Variants in FRMD3 observed in about 807,000 individuals in gnomAD.
FRMD3 encodes the protein FERM domain containing 3.
In FRMD3, 33 loss-of-function variants were observed where a neutral mutation model predicts 70.2. That is an observed-to-expected ratio of 0.47 (90% CI 0.36 to 0.63). The LOEUF is 0.63. FRMD3 is among the 20% of genes least tolerant of loss of function. The pLI, the probability that FRMD3 is intolerant of heterozygous loss-of-function variation, is 0.00. For synonymous variants in FRMD3, 279 were observed against 255.9 expected (o/e 1.09, Z -0.86); for missense variants, 632 against 711.4 (o/e 0.89, Z 1.27).
Position 83,537,332 on chromosome 9 carries a change from C to T in FRMD3, c.147+753G>A, listed in dbSNP as rs1829917712. On this transcript the variant is annotated intron_variant, in intron 1 of 13. Coordinates refer to ENST00000304195, the MANE Select transcript of FRMD3 (RefSeq NM_174938.6). This position sits in a 1 kb window ranked among gnomAD's most constrained non-coding sequence, Gnocchi z 4.1. ...CGACAGTGAATGTCCACCAAGATTC[C>T]ACGGGGCTCTTTTACCCAGGACCCA... 6.6e-6 allele frequency among the ~76,000 whole-genome samples: 1 copy of T among 152,236 alleles called. No individual in the cohort carries two copies. Among genetic ancestry groups the T allele is most frequent in the Non-Finnish European group, 1.5e-5 (1 of 68,036 alleles).
chr9:83,510,933 GACTGTGTT>G (rs1272859958), intron 1 of FRMD3, among the ~76,000 whole-genome samples: 1 of 152,172 alleles, frequency 6.6e-6, no homozygotes, highest in Non-Finnish European at 1.5e-5. Flanking sequence ...TCCTAAAATT[GACTGTGTT>G]GATGGATACA....
At chr9:83,297,839 TGCACTTCTGCTCCCCGGTGTG>T (rs1464285582) in intron 12 of FRMD3, 3 of 471,692 alleles carry the variant, frequency 6.4e-6, no homozygotes, top group South Asian at 4.6e-5. Flanking sequence ...TCATGCCAAC[TGCACTTCTGCTCCCCGGTGTG>T]GGAGAGAAAT....
the FRMD3 span, among the ~76,000 whole-genome samples, chr9:83,553,634 C>A: frequency 6.6e-6 from 1 of 152,124 alleles, no homozygotes; most frequent in Non-Finnish European, 1.5e-5. Context: ...GATTCTTTCC[C>A]CAGCTTGGTT....
intron 3 of FRMD3, among the ~76,000 whole-genome samples, chr9:83,369,335 G>T (rs144123276): frequency 0.018 from 2,777 of 152,144 alleles, 96 homozygotes; most frequent in African/African-American, 0.063. Flanking sequence ...CAGTTCTTTG[G>T]GAGGCCAAAA....
intron 3 of FRMD3, among the ~76,000 whole-genome samples, chr9:83,370,621 T>C (rs7860322): frequency 5.9e-5 from 9 of 152,180 alleles, no homozygotes; most frequent in Non-Finnish European, 8.8e-5. Flanking sequence ...TAAGACATTA[T>C]GTGTTTTAGG....
Position 83,467,486 on chromosome 9 carries a change from C to A in FRMD3, c.147+70599G>T. The A allele has an allele frequency of 4.2e-6, 3 of 712,430 alleles. No individual in the cohort carries two copies. In the South Asian group the frequency reaches 4.8e-5, roughly 11 times the overall value. 44.1% of individuals were successfully genotyped at this position (712,430 alleles called of 1,614,324 possible). Reference sequence around the variant, plus strand: ...TCAGAAGCTCTACAAAAGAGACCCTCCCGAATTTCACATCCCCTTCTAATT... The same window carrying A: ...TCAGAAGCTCTACAAAAGAGACCCTACCGAATTTCACATCCCCTTCTAATT... On this transcript the variant is annotated intron_variant, in intron 1 of 13. Transcript: ENST00000304195.
intron 1 of FRMD3, among the ~76,000 whole-genome samples, chr9:83,445,446 G>T (rs796224272): frequency 2.0e-5 from 3 of 152,140 alleles, no homozygotes; most frequent in Non-Finnish European, 2.9e-5. Context: ...CAGAAGATAT[G>T]CTCCAAAGGG....
chr9:83,273,609 TAAAAAAA>T (rs899879607), intron 13 of FRMD3, among the ~76,000 whole-genome samples: 1 of 71,336 alleles, frequency 1.4e-5, no homozygotes, highest in Non-Finnish European at 2.8e-5. Flanking sequence ...CAATAAATAC[TAAAAAAA>T]AAAAAAAAAA....
intron 6 of FRMD3, among the ~76,000 whole-genome samples, chr9:83,327,529 C>T (rs1001277024): frequency 2.2e-4 from 34 of 152,166 alleles, no homozygotes; most frequent in African/African-American, 8.2e-4. Flanking sequence ...TGCCTCCTGC[C>T]GTCAGCAAGG....
the FRMD3 span, among the ~76,000 whole-genome samples, chr9:83,552,492 T>C: frequency 1.3e-5 from 2 of 152,200 alleles, no homozygotes; most frequent in African/African-American, 4.8e-5. Context: ...TCAGATCCAT[T>C]TGGTCCAATG....
intron 1 of FRMD3, among the ~76,000 whole-genome samples, chr9:83,530,543 G>A (rs1325895931): frequency 6.6e-6 from 1 of 152,088 alleles, no homozygotes; most frequent in Non-Finnish European, 1.5e-5. Flanking sequence ...TGGGGATGAT[G>A]AAAATATTCT....
At chr9:83,556,840 A>AT in the FRMD3 span, among the ~76,000 whole-genome samples, 1 of 152,046 alleles carries the variant, frequency 6.6e-6, no homozygotes, top group Admixed American at 6.5e-5. Flanking sequence ...ACTTTTTGAG[A>AT]TTTTTTCCTT....
chr9:83,557,863 C>T, the FRMD3 span, among the ~76,000 whole-genome samples: 1 of 152,112 alleles, frequency 6.6e-6, no homozygotes, highest in Non-Finnish European at 1.5e-5. Flanking sequence ...TATCTGAAAC[C>T]CTGAGATTCA....
chr9:83,507,711 T>TATATATATAG (rs1829227683), intron 1 of FRMD3, among the ~76,000 whole-genome samples: 3 of 100,954 alleles, frequency 3.0e-5, no homozygotes, highest in Non-Finnish European at 6.0e-5. Flanking sequence ...TATATATATA[T>TATATATATAG]ATATATATAT....
chr9:83,444,694 A>G (rs1250942336), intron 1 of FRMD3, among the ~76,000 whole-genome samples: 3 of 152,158 alleles, frequency 2.0e-5, no homozygotes, highest in African/African-American at 7.2e-5. Context: ...CCTGAAAAGC[A>G]ACAACAGGCT....
chr9:83,271,288 A>C (rs1160522495), intron 13 of FRMD3, among the ~76,000 whole-genome samples: 1 of 152,216 alleles, frequency 6.6e-6, no homozygotes, highest in Non-Finnish European at 1.5e-5. Flanking sequence ...AAAGATAATA[A>C]ATTATTATTA....
rs1459478253 is a variant in FRMD3 at position 83,509,783 on chromosome 9, G to GCA, written c.147+28301_147+28302insTG. On this transcript the variant is annotated intron_variant, in intron 1 of 13. Coordinates refer to ENST00000304195, the MANE Select transcript of FRMD3 (RefSeq NM_174938.6). ...CAGTTTAATTAAAATACGCACACGC[G>GCA]CGCGCACACACACACACACACACAG... 7.9e-4 allele frequency among the ~76,000 whole-genome samples: 119 copies of GCA among 150,356 alleles called. 2 individuals are homozygous for GCA. The highest frequency in any genetic ancestry group is 2.8e-3 in the African/African-American group (116 of 40,780).
At chr9:83,581,249 A>G in the FRMD3 span, among the ~76,000 whole-genome samples, 844 of 152,334 alleles carry the variant, frequency 5.5e-3, 6 homozygotes, top group African/African-American at 0.019. Flanking sequence ...TATACCAAGT[A>G]TATAAAGAAC....
chr9:83,308,351 G>C (rs1221633938), intron 10 of FRMD3, among the ~76,000 whole-genome samples: 1 of 152,238 alleles, frequency 6.6e-6, no homozygotes, highest in South Asian at 2.1e-4. Context: ...TCAGATTAAG[G>C]AAAAGTATTC....
Sources: gnomAD v4.1 joint callset for allele counts (sites outside exome capture counted in the v4.1 genomes callset) on GRCh38, gnomAD v4.1.1 for gene constraint, Gnocchi (gnomAD v3.1) non-coding constraint, MANE v1.5 for transcripts, NCBI Gene and HGNC (gene_info 2026-07-23, HGNC 2026-07-21) for gene names.